Variants in ATXN1 observed in about 807,000 individuals in gnomAD.
ATXN1 encodes the protein ataxin 1, also known as ataxin-1.
Under a neutral mutation model 56.4 loss-of-function variants are expected in ATXN1, and 8 were observed. That is an observed-to-expected ratio of 0.14 (90% CI 0.08 to 0.26). The LOEUF is 0.26. Among genes scored for constraint, ATXN1 ranks in the 10% least tolerant of loss-of-function variants. The probability of loss-of-function intolerance (pLI) is 1.00; values close to 1 mark genes in which losing one functional copy is unlikely to be tolerated. For synonymous variants in ATXN1, 514 were observed against 494.6 expected (o/e 1.04, Z -0.52); for missense variants, 987 against 1,106.5 (o/e 0.89, Z 1.53).
At chr6:16,417,659 C>T (rs1012373208) in intron 6 of ATXN1, among the ~76,000 whole-genome samples, 6 of 151,828 alleles carry the variant, frequency 4.0e-5, no homozygotes, top group East Asian at 1.9e-4. Flanking sequence ...AGGATGGTCT[C>T]GATCTCCTGA....
intron 6 of ATXN1, among the ~76,000 whole-genome samples, chr6:16,429,553 G>A (rs1581756208): frequency 6.6e-6 from 1 of 151,710 alleles, no homozygotes; most frequent in African/African-American, 2.4e-5. Context: ...AAGTAGCTGG[G>A]ATTACAGGTG....
intron 2 of ATXN1, among the ~76,000 whole-genome samples, chr6:16,710,822 A>C (rs1262427131): frequency 6.6e-6 from 1 of 152,116 alleles, no homozygotes; most frequent in African/African-American, 2.4e-5. Context: ...TCCTGAGCTC[A>C]AGCAATCTTT....
chr6:16,619,900 A>C (rs944939681), intron 3 of ATXN1, among the ~76,000 whole-genome samples: 1 of 152,106 alleles, frequency 6.6e-6, no homozygotes, highest in Admixed American at 6.5e-5. Flanking sequence ...AAAAGAAAAA[A>C]AAAAAACATA....
intron 5 of ATXN1, among the ~76,000 whole-genome samples, chr6:16,511,885 G>T (rs1411714041): frequency 6.6e-6 from 1 of 152,166 alleles, no homozygotes; most frequent in South Asian, 2.1e-4. Context: ...CCAGGCCACC[G>T]CCCTGCCTTA....
At chr6:16,653,447 AC>A (rs1324305496) in intron 3 of ATXN1, among the ~76,000 whole-genome samples, 3 of 152,222 alleles carry the variant, frequency 2.0e-5, no homozygotes, top group Non-Finnish European at 4.4e-5. Flanking sequence ...GCGAGGCCTA[AC>A]AGCTGAAAGA....
At chr6:16,582,554 T>A (rs1027923770) in intron 4 of ATXN1, among the ~76,000 whole-genome samples, 1 of 152,162 alleles carries the variant, frequency 6.6e-6, no homozygotes, top group Non-Finnish European at 1.5e-5. Context: ...GAACTAAGAT[T>A]TCAACAATGA....
At chr6:16,548,243 T>TA (rs1290225860) in intron 4 of ATXN1, among the ~76,000 whole-genome samples, 1 of 152,204 alleles carries the variant, frequency 6.6e-6, no homozygotes, top group African/African-American at 2.4e-5. Context: ...AAAGATAAAA[T>TA]ATGGTACACC....
intron 4 of ATXN1, among the ~76,000 whole-genome samples, chr6:16,581,199 G>C (rs888216283): frequency 8.7e-6 from 1 of 115,484 alleles, no homozygotes; most frequent in Non-Finnish European, 1.6e-5. Context: ...AATGCACTGT[G>C]TGTGTGTGTG....
intron 3 of ATXN1, among the ~76,000 whole-genome samples, chr6:16,593,315 T>G (rs1762757342): frequency 6.6e-6 from 1 of 152,162 alleles, no homozygotes; most frequent in Non-Finnish European, 1.5e-5. Context: ...CTGTGTGATC[T>G]CAAGCCCCCT....
intron 6 of ATXN1, among the ~76,000 whole-genome samples, chr6:16,458,224 C>G (rs1299415136): frequency 6.6e-6 from 1 of 152,210 alleles, no homozygotes; most frequent in Non-Finnish European, 1.5e-5. Context: ...CCCACTGGGA[C>G]CTAGACTCAG....
chr6:16,301,061 CAT>C lies in ATXN1; in HGVS notation c.*5266_*5267del, dbSNP rs1760079605. ...TGACAAATTTCTATATACAAAAAAA[CAT>C]GTAACTTTCAACCCTTCTCTGCTTT... is the stretch of plus-strand genomic sequence containing the variant. On this transcript the variant is annotated 3_prime_UTR_variant, in exon 8 of 8. Transcript: ENST00000436367. 1 of 149,284 alleles carries C rather than the reference CAT, an allele frequency of 6.7e-6. No homozygotes were observed. The highest frequency in any genetic ancestry group is 2.0e-4 in the East Asian group (1 of 5,102). The allele number at this position is 149,284 out of a possible 1,614,324, so 9.2% of individuals were successfully genotyped here.
intron 3 of ATXN1, among the ~76,000 whole-genome samples, chr6:16,655,406 C>A (rs561275191): frequency 1.3e-5 from 2 of 152,260 alleles, no homozygotes; most frequent in East Asian, 1.9e-4. Flanking sequence ...CCTGTAGTCT[C>A]GGCTACTGGT....
chr6:16,454,022 T>A (rs1176147463), intron 6 of ATXN1, among the ~76,000 whole-genome samples: 1 of 147,480 alleles, frequency 6.8e-6, no homozygotes, highest in African/African-American at 2.5e-5. Flanking sequence ...CACGTGCCTG[T>A]AATTCCAGCT....
intron 6 of ATXN1, among the ~76,000 whole-genome samples, chr6:16,399,326 C>T (rs3819405): frequency 0.38 from 58,409 of 151,956 alleles, 11,603 homozygotes; most frequent in South Asian, 0.49. Context: ...CTTAAAATGA[C>T]GTTAGGCTAC....
chr6:16,540,273 A>C (rs1761687080), intron 4 of ATXN1, among the ~76,000 whole-genome samples: 1 of 149,716 alleles, frequency 6.7e-6, no homozygotes, highest in Non-Finnish European at 1.5e-5. Flanking sequence ...GTGCAGTAGC[A>C]TGATCTCGGC....
intron 6 of ATXN1, among the ~76,000 whole-genome samples, chr6:16,406,496 T>A (rs1288236032): frequency 6.6e-6 from 1 of 152,240 alleles, no homozygotes; most frequent in Non-Finnish European, 1.5e-5. Context: ...GAGGTTCCTC[T>A]TCAAAGATTT....
intron 3 of ATXN1, among the ~76,000 whole-genome samples, chr6:16,606,812 G>A (rs1248192711): frequency 2.0e-5 from 3 of 149,388 alleles, no homozygotes; most frequent in Non-Finnish European, 4.4e-5. Context: ...ACAAGCATGA[G>A]CCATCACGCC....
chr6:16,738,402 G>A (rs1345374574), intron 2 of ATXN1: 1 of 152,086 alleles, frequency 6.6e-6, no homozygotes, highest in Non-Finnish European at 1.5e-5. Flanking sequence ...GGGTAATTAT[G>A]GAATTTCAAC....
At chr6:16,530,535 A>C (rs1761483383) in intron 4 of ATXN1, among the ~76,000 whole-genome samples, 1 of 152,180 alleles carries the variant, frequency 6.6e-6, no homozygotes, top group African/African-American at 2.4e-5. Flanking sequence ...TCGGAATCTT[A>C]TTTGGACTGT....
Sources: allele counts gnomAD v4.1 joint callset (sites outside exome capture counted in the v4.1 genomes callset), GRCh38; gene constraint gnomAD v4.1.1; transcripts MANE v1.5; gene names NCBI Gene and HGNC (gene_info 2026-07-23, HGNC 2026-07-21).